CSGALNACT1: variants seen among roughly 807,000 people sequenced by gnomAD.
CSGALNACT1 encodes beta4GalNAcT-1.
Under a neutral mutation model 51.0 loss-of-function variants are expected in CSGALNACT1, and 52 were observed. The ratio of observed to expected loss-of-function variants is 1.02; its 90% CI spans 0.82 to 1.29. The LOEUF is 1.29. Among genes scored for constraint, CSGALNACT1 ranks in the 50% most tolerant of loss-of-function variants. The pLI is 0.00. For missense variants in CSGALNACT1, 935 were observed against 679.2 expected, an observed-to-expected ratio of 1.38 and a Z score of -4.19; for synonymous variants, 341 against 254.4, an observed-to-expected ratio of 1.34 and a Z score of -3.24.
In CSGALNACT1 at chr8:19,460,524, T is replaced by C. The variant is rs376803461; in HGVS notation, c.635-1882A>G. ...TGAATGACAGTACCATGGATTCTAT[T>C]CATGTCTCCTTAATCCCCACAGTGA... On this transcript the variant is annotated intron_variant, in intron 4 of 9. Transcript: ENST00000454498. Among the ~76,000 whole-genome samples the C allele has an allele frequency of 1.2e-3, 180 of 152,276 alleles. 3 individuals carry two copies. In the South Asian group the frequency reaches 0.036, roughly 31 times the overall value.
intron 2 of CSGALNACT1, among the ~76,000 whole-genome samples, chr8:19,596,012 T>C (rs1248466973): frequency 2.0e-5 from 3 of 152,044 alleles, no homozygotes; most frequent in Non-Finnish European, 2.9e-5. Flanking sequence ...TACAGGCACA[T>C]GCCACCACAC....
At chr8:19,614,238 A>C (rs2052689922) in intron 1 of CSGALNACT1, among the ~76,000 whole-genome samples, 1 of 152,188 alleles carries the variant, frequency 6.6e-6, no homozygotes, top group African/African-American at 2.4e-5. Context: ...CATTATTACA[A>C]ATCTTACTTT....
chr8:19,487,121 T>C (rs1449745609), intron 4 of CSGALNACT1, among the ~76,000 whole-genome samples: 1 of 152,232 alleles, frequency 6.6e-6, no homozygotes, highest in Non-Finnish European at 1.5e-5. Flanking sequence ...CAATTTTTTC[T>C]CAAGCTGACA....
intron 9 of CSGALNACT1, among the ~76,000 whole-genome samples, chr8:19,406,576 C>T (rs1435235367): frequency 7.9e-6 from 1 of 127,028 alleles, no homozygotes; most frequent in Admixed American, 9.1e-5. Context: ...CAAAACATCA[C>T]ATGTACCCCA....
chr8:19,456,966 C>T (rs895434708), intron 5 of CSGALNACT1, among the ~76,000 whole-genome samples: 1 of 152,142 alleles, frequency 6.6e-6, no homozygotes, highest in Non-Finnish European at 1.5e-5. Context: ...TAGAATTAGA[C>T]CCACCAGGCA....
intron 4 of CSGALNACT1, among the ~76,000 whole-genome samples, chr8:19,472,226 G>C (rs1421494343): frequency 6.6e-6 from 1 of 152,212 alleles, no homozygotes. Flanking sequence ...TTTCCAAACA[G>C]CTGTAGGACT....
intron 3 of CSGALNACT1, among the ~76,000 whole-genome samples, chr8:19,563,984 C>A (rs2041372967): frequency 1.3e-5 from 2 of 152,080 alleles, no homozygotes; most frequent in Admixed American, 1.3e-4. Flanking sequence ...GTCTCCACGG[C>A]TCTCCACACC....
At chr8:19,412,375 A>G (rs977368329) in intron 8 of CSGALNACT1, among the ~76,000 whole-genome samples, 2 of 152,202 alleles carry the variant, frequency 1.3e-5, no homozygotes, top group African/African-American at 4.8e-5. Context: ...ACAAATCAGC[A>G]TCTCTCCCCA....
At chr8:19,437,523 TAA>T (rs1338726794) in intron 6 of CSGALNACT1, among the ~76,000 whole-genome samples, 1 of 151,944 alleles carries the variant, frequency 6.6e-6, no homozygotes, top group Non-Finnish European at 1.5e-5. Flanking sequence ...AGCAACACCA[TAA>T]GAGAGGGCAG....
At chr8:19,510,397 C>T (rs2078238717) in intron 3 of CSGALNACT1, among the ~76,000 whole-genome samples, 1 of 152,134 alleles carries the variant, frequency 6.6e-6, no homozygotes, top group Non-Finnish European at 1.5e-5. Context: ...AATAACACAG[C>T]AATGAATAAA....
rs773579464 is a variant in CSGALNACT1, at chr8:19,418,659, C to T, written c.1224G>A (p.Gln408=). 9 of 1,605,124 alleles carry T rather than the reference C, an allele frequency of 5.6e-6. No individual in the cohort carries two copies. The African/African-American group carries it at 1.1e-4, about 19-fold the overall frequency. Residue 408 remains glutamine, a synonymous_variant, in exon 8 of 10, where the codon CAG becomes CAA. Transcript: ENST00000454498. ...CATCTGCAGGGTAATTACTCACCAG[C>T]TGCTGTTCCAAGGGAGGGACTGCAT... is the stretch of plus-strand genomic sequence containing the variant.
At chr8:19,718,712 T>C (rs1404475445) in intron 1 of CSGALNACT1, among the ~76,000 whole-genome samples, 2 of 152,170 alleles carry the variant, frequency 1.3e-5, no homozygotes, top group African/African-American at 4.8e-5. Context: ...TTTAGCCATC[T>C]CTAAATCCAC....
intron 4 of CSGALNACT1, among the ~76,000 whole-genome samples, chr8:19,462,333 G>A (rs776240713): frequency 4.3e-4 from 58 of 134,270 alleles, no homozygotes; most frequent in African/African-American, 1.0e-4. Context: ...AATGTATGCA[G>A]GCAGAGGAAT....
At chr8:19,436,453 C>G (rs1325814289) in intron 6 of CSGALNACT1, among the ~76,000 whole-genome samples, 1 of 152,022 alleles carries the variant, frequency 6.6e-6, no homozygotes, top group Non-Finnish European at 1.5e-5. Context: ...TGAAGTAGAG[C>G]CCAAAACAGT....
At chr8:19,448,202 G>C (rs1175957001) in intron 5 of CSGALNACT1, among the ~76,000 whole-genome samples, 1 of 152,184 alleles carries the variant, frequency 6.6e-6, no homozygotes, top group Non-Finnish European at 1.5e-5. Context: ...TGTGTTTCTT[G>C]CAGTTAAGGA....
chr8:19,715,183 G>C lies in CSGALNACT1; in HGVS notation c.-297+42667C>G, dbSNP rs113460389. On this transcript the variant is annotated intron_variant, in intron 1 of 1. Transcript: ENST00000517494. ...ACCCCTGATAAAACCATCAGATCTC[G>C]TGAGACTTATTCACTACCACGAGAA... 2.5e-3 allele frequency among the ~76,000 whole-genome samples: 374 copies of C among 152,266 alleles called. 3 individuals carry two copies. Among genetic ancestry groups the C allele is most frequent in the African/African-American group, 8.6e-3 (358 of 41,550 alleles).
At chr8:19,617,146 C>T (rs1010798930) in intron 1 of CSGALNACT1, among the ~76,000 whole-genome samples, 4 of 152,290 alleles carry the variant, frequency 2.6e-5, no homozygotes, top group South Asian at 4.1e-4. Flanking sequence ...AACCTAGATC[C>T]TTGACATGTG....
intron 3 of CSGALNACT1, among the ~76,000 whole-genome samples, chr8:19,556,385 A>G (rs1293407725): frequency 1.4e-5 from 1 of 69,160 alleles, no homozygotes; most frequent in Non-Finnish European, 2.5e-5. Context: ...CTCTCAAAAG[A>G]AAAAAAAAAA....
intron 1 of CSGALNACT1, among the ~76,000 whole-genome samples, chr8:19,650,747 A>G (rs1458875447): frequency 1.3e-5 from 2 of 152,108 alleles, no homozygotes; most frequent in Non-Finnish European, 2.9e-5. Flanking sequence ...AAACCGGTTC[A>G]TTTCTTTTGT....
Sources: gnomAD v4.1 joint callset for allele counts (sites outside exome capture counted in the v4.1 genomes callset) on GRCh38, gnomAD v4.1.1 for gene constraint, MANE v1.5 for transcripts, NCBI Gene and HGNC (gene_info 2026-07-23, HGNC 2026-07-21) for gene names.